HDAC4: variants seen among roughly 807,000 people sequenced by gnomAD.
The protein encoded by HDAC4 is histone deacetylase 4.
In HDAC4, 16 loss-of-function variants were observed where a neutral mutation model predicts 135.1. The observed-to-expected ratio is 0.12, with a 90% CI of 0.08 to 0.18. The LOEUF (loss-of-function observed/expected upper bound fraction) is 0.18, where lower values mean the gene tolerates loss of function less well. HDAC4 is among the 10% of genes least tolerant of loss of function. The pLI, the probability that HDAC4 is intolerant of heterozygous loss-of-function variation, is 1.00. For synonymous variants in HDAC4, 685 were observed against 653.4 expected (o/e 1.05, Z -0.74); for missense variants, 1,143 against 1,511.8 (o/e 0.76, Z 4.05).
At chr2:239,278,074 C>G (rs1174045424) in intron 2 of HDAC4, among the ~76,000 whole-genome samples, 1 of 151,866 alleles carries the variant, frequency 6.6e-6, no homozygotes, top group Non-Finnish European at 1.5e-5. Flanking sequence ...ACACTCGGCT[C>G]CCCGCTGGTG....
intron 2 of HDAC4, among the ~76,000 whole-genome samples, chr2:239,335,064 G>T (rs1488317695): frequency 6.7e-6 from 1 of 150,244 alleles, no homozygotes; most frequent in East Asian, 1.9e-4. Context: ...AAATGCAAAG[G>T]GCTAAAAAGA....
In HDAC4 at chr2:239,305,275, T is replaced by C. The variant is rs139532735; in HGVS notation, c.22+47403A>G. ...TTGGTAGTCAGGTTTCTGAAAGCGA[T>C]GGCAGTCGCCTCAGGGCTGACACGG... On this transcript the variant is annotated intron_variant, in intron 2 of 26. Coordinates refer to ENST00000543185, the MANE Select transcript of HDAC4 (RefSeq NM_001378414.1). Among the ~76,000 whole-genome samples, 52 of 152,382 alleles carry C rather than the reference T, an allele frequency of 3.4e-4. No homozygotes were observed. The East Asian group carries it at 0.01, about 29-fold the overall frequency.
At chr2:239,368,685 T>C (rs533234118) in intron 1 of HDAC4, among the ~76,000 whole-genome samples, 5 of 152,236 alleles carry the variant, frequency 3.3e-5, no homozygotes, top group Admixed American at 6.5e-5. Context: ...AAGCTGCAGG[T>C]GCCTCTCCTG....
chr2:239,370,664 C>T (rs1694542439), intron 1 of HDAC4, among the ~76,000 whole-genome samples: 1 of 152,220 alleles, frequency 6.6e-6, no homozygotes, highest in Admixed American at 6.5e-5. Context: ...GAGCAGGACT[C>T]TTGTGCTGGC....
At chr2:239,242,086 GA>G (rs1266105109) in intron 2 of HDAC4, among the ~76,000 whole-genome samples, 1 of 150,558 alleles carries the variant, frequency 6.6e-6, no homozygotes, top group Non-Finnish European at 1.5e-5. Flanking sequence ...GAGAAGGAAG[GA>G]AGGAAGGAAG....
intron 1 of HDAC4, among the ~76,000 whole-genome samples, chr2:239,360,206 C>T (rs1233884530): frequency 6.6e-6 from 1 of 152,160 alleles, no homozygotes; most frequent in Non-Finnish European, 1.5e-5. Flanking sequence ...TGACAGGCAG[C>T]GCCGCCAATG....
intron 2 of HDAC4, among the ~76,000 whole-genome samples, chr2:239,239,671 G>A (rs567058854): frequency 3.9e-5 from 6 of 152,290 alleles, no homozygotes; most frequent in Admixed American, 6.5e-5. Flanking sequence ...GCTTGTTCTC[G>A]TTGTGTGCCA....
At chr2:239,087,994 T>C (rs2036152396) in intron 18 of HDAC4, among the ~76,000 whole-genome samples, 2 of 152,104 alleles carry the variant, frequency 1.3e-5, no homozygotes, top group South Asian at 2.1e-4. Flanking sequence ...AGGTGGCCAC[T>C]GGAGGAAGAT....
At chr2:239,081,218 C>T (rs376139417) in intron 21 of HDAC4, 26 bp from the exon 22 acceptor site, 458 of 1,584,590 alleles carry the variant, frequency 2.9e-4, no homozygotes, top group South Asian at 7.4e-4. Flanking sequence ...GAGAAACACA[C>T]GTCATGGACC....
intron 1 of HDAC4, among the ~76,000 whole-genome samples, chr2:239,399,765 T>C (rs1696815496): frequency 6.6e-6 from 1 of 152,178 alleles, no homozygotes; most frequent in African/African-American, 2.4e-5. Flanking sequence ...GCAGAACTGC[T>C]CTCAGCAAGC....
intron 11 of HDAC4, among the ~76,000 whole-genome samples, chr2:239,133,378 T>C (rs1006326487): frequency 1.3e-5 from 2 of 152,170 alleles, no homozygotes; most frequent in Admixed American, 6.5e-5. Context: ...CAGCTTTCAA[T>C]TGGCAACAAC....
Position 239,230,513 on chromosome 2 carries a change from G to A in HDAC4, c.94+6080C>T, listed in dbSNP as rs370381488. Reference sequence around the variant, plus strand: ...ATTCCTCAAAGACACTTCCCTGATCGGAGGAAAATAACCCAAGCAGTCACG... The same window carrying A: ...ATTCCTCAAAGACACTTCCCTGATCAGAGGAAAATAACCCAAGCAGTCACG... On this transcript the variant is annotated intron_variant, in intron 3 of 26. Transcript: ENST00000543185. 1.3e-4 allele frequency among the ~76,000 whole-genome samples: 20 copies of A among 152,140 alleles called. No individual in the cohort carries two copies. The East Asian group carries it at 1.6e-3, about 12-fold the overall frequency.
intron 3 of HDAC4, among the ~76,000 whole-genome samples, chr2:239,208,152 C>T (rs2046151140): frequency 6.7e-6 from 1 of 150,066 alleles, no homozygotes; most frequent in Admixed American, 6.7e-5. Context: ...GAAACCCCGT[C>T]CCTACTAAAA....
At chr2:239,221,289 G>C (rs936609381) in intron 3 of HDAC4, among the ~76,000 whole-genome samples, 1 of 152,114 alleles carries the variant, frequency 6.6e-6, no homozygotes, top group Non-Finnish European at 1.5e-5. Context: ...AGGAGCGGGG[G>C]ACACCATGGT....
rs2033768305 is a variant in HDAC4, at chr2:239,068,184, G to A, written c.2869+305C>T. ...ACATCTCAGCTCTTGGTGGGACCAGGACCTGCCCCTGGAGGTGGCCTGCAG... is the reference window on the plus strand; with the variant it reads ...ACATCTCAGCTCTTGGTGGGACCAGAACCTGCCCCTGGAGGTGGCCTGCAG... On this transcript the variant is annotated intron_variant, in intron 23 of 26. Transcript: ENST00000543185. The surrounding 1 kb of genome is among the most constrained non-coding windows in gnomAD (Gnocchi z 4.4). 6.6e-6 allele frequency among the ~76,000 whole-genome samples: 1 copy of A among 152,184 alleles called. No homozygotes were observed. The highest frequency in any genetic ancestry group is 2.1e-4 in the South Asian group (1 of 4,832).
At chr2:239,077,502 G>A (rs554681668) in intron 22 of HDAC4, among the ~76,000 whole-genome samples, 69 of 152,380 alleles carry the variant, frequency 4.5e-4, no homozygotes, top group African/African-American at 1.6e-3. Flanking sequence ...CCCCACAGGC[G>A]AGCGAAGGCT....
intron 2 of HDAC4, among the ~76,000 whole-genome samples, chr2:239,290,407 C>A (rs185141042): frequency 2.0e-5 from 3 of 152,206 alleles, no homozygotes; most frequent in Admixed American, 2.0e-4. Flanking sequence ...AATGAGTGGC[C>A]CATTTTATGT....
At position 239,068,585 on chromosome 2, in the gene HDAC4, T is replaced by C. The variant is rs368612479; in HGVS notation, c.2773A>G (p.Ser925Gly). The change falls in exon 23 of 27, where the codon AGC becomes GGC. Residue 925 changes from serine (S) to glycine (G), a missense_variant. By Grantham distance (56) the Ser-to-Gly change is moderately conservative. Transcript: ENST00000543185. The surrounding 1 kb of genome is among the most constrained non-coding windows in gnomAD (Gnocchi z 4.4). ...AFRTVVMPIA[S>G]EFAPDVVLVS... The stretch of plus-strand genomic sequence containing the variant: ...AGCACCACATCCGGGGCAAACTCGC[T>C]GGCGATCGGCATGACCACCGTTCTG... 19 of 1,613,884 alleles carry C rather than the reference T, an allele frequency of 1.2e-5. 1 individual carries two copies. Among genetic ancestry groups the C allele is most frequent in the Middle Eastern group, 3.3e-4 (2 of 6,082 alleles).
At chr2:239,103,776 A>G (rs566446760) in intron 15 of HDAC4, among the ~76,000 whole-genome samples, 1 of 152,322 alleles carries the variant, frequency 6.6e-6, no homozygotes, top group Non-Finnish European at 1.5e-5. Flanking sequence ...AGGGCTCTCT[A>G]TGCCAGCCCA....
Sources: allele counts gnomAD v4.1 joint callset (sites outside exome capture counted in the v4.1 genomes callset), GRCh38; gene constraint gnomAD v4.1.1; non-coding constraint Gnocchi (gnomAD v3.1); transcripts MANE v1.5; gene names NCBI Gene and HGNC (gene_info 2026-07-23, HGNC 2026-07-21).